SCHIP1: variants seen among roughly 807,000 people sequenced by gnomAD.
The protein encoded by SCHIP1 is schwannomin interacting protein 1, also known as schwannomin-interacting protein 1.
In SCHIP1, 8 loss-of-function variants were observed where a neutral mutation model predicts 29.7. The observed-to-expected ratio is 0.27, with a 90% CI of 0.16 to 0.49. The LOEUF (loss-of-function observed/expected upper bound fraction) is 0.49. Ranked by LOEUF, SCHIP1 falls within the 20% of genes least tolerant of loss-of-function variation. SCHIP1 has a pLI of 0.99. For synonymous variants in SCHIP1, 76 were observed against 94.9 expected, an observed-to-expected ratio of 0.80 and a Z score of 1.16; for missense variants, 193 against 294.6, an observed-to-expected ratio of 0.66 and a Z score of 2.52.
the SCHIP1 span, among the ~76,000 whole-genome samples, chr3:159,337,632 C>T: frequency 6.6e-6 from 1 of 152,144 alleles, no homozygotes; most frequent in Non-Finnish European, 1.5e-5. Flanking sequence ...AGGAATCCAG[C>T]TTACAAGGGA....
the SCHIP1 span, among the ~76,000 whole-genome samples, chr3:159,640,004 T>C: frequency 7.8e-3 from 1,191 of 152,318 alleles, 20 homozygotes; most frequent in African/African-American, 0.027. Context: ...ATGATTTGTA[T>C]CTTTTTTTCC....
At chr3:159,336,384 A>G in the SCHIP1 span, among the ~76,000 whole-genome samples, 1 of 152,136 alleles carries the variant, frequency 6.6e-6, no homozygotes, top group South Asian at 2.1e-4. Flanking sequence ...TTTTGTTGCC[A>G]TTTGTTTTGG....
the SCHIP1 span, among the ~76,000 whole-genome samples, chr3:159,358,477 C>T: frequency 6.6e-6 from 1 of 152,244 alleles, no homozygotes; most frequent in South Asian, 2.1e-4. Context: ...CATGGCCTCA[C>T]CTGTTGGGAG....
the SCHIP1 span, among the ~76,000 whole-genome samples, chr3:159,814,322 G>T: frequency 6.6e-6 from 1 of 152,182 alleles, no homozygotes; most frequent in African/African-American, 2.4e-5. Context: ...CCTCTGCCCT[G>T]TTTTACTGCC....
the SCHIP1 span, among the ~76,000 whole-genome samples, chr3:159,373,758 G>T: frequency 6.6e-6 from 1 of 151,960 alleles, no homozygotes; most frequent in African/African-American, 2.4e-5. Context: ...TCTAAGGCTG[G>T]ATAGTACATT....
the SCHIP1 span, among the ~76,000 whole-genome samples, chr3:159,773,957 C>G: frequency 1.3e-5 from 2 of 152,150 alleles, no homozygotes; most frequent in East Asian, 3.9e-4. Flanking sequence ...GATTAAGATG[C>G]CTGGCGTAGT....
the SCHIP1 span, among the ~76,000 whole-genome samples, chr3:159,408,193 G>A: frequency 1.9e-4 from 29 of 152,034 alleles, no homozygotes; most frequent in African/African-American, 7.0e-4. Flanking sequence ...AGCTACTCAG[G>A]AGGCTGAGGC....
At chr3:159,888,061 C>G in intron 4 of SCHIP1, 156 bp downstream of exon 5, 1 of 1,086,024 alleles carries the variant, frequency 9.2e-7, no homozygotes, top group South Asian at 1.7e-5. Flanking sequence ...GTTTCTTTTT[C>G]CTTCCTACTG....
the SCHIP1 span, among the ~76,000 whole-genome samples, chr3:159,460,578 G>A: frequency 6.6e-6 from 1 of 152,264 alleles, no homozygotes; most frequent in East Asian, 1.9e-4. Flanking sequence ...TATCTGGTAA[G>A]GTAATCAACA....
the SCHIP1 span, among the ~76,000 whole-genome samples, chr3:159,621,672 G>GTT: frequency 5.5e-4 from 81 of 147,230 alleles, no homozygotes; most frequent in African/African-American, 1.8e-3. Flanking sequence ...TTTGTTCTTT[G>GTT]TTTTTTTTTT....
the SCHIP1 span, among the ~76,000 whole-genome samples, chr3:159,325,072 A>G: frequency 2.0e-5 from 3 of 152,156 alleles, no homozygotes; most frequent in East Asian, 5.8e-4. Flanking sequence ...TGAGTTTGGT[A>G]ACTTCTTTAT....
At chr3:159,615,470 G>A in the SCHIP1 span, among the ~76,000 whole-genome samples, 4 of 152,330 alleles carry the variant, frequency 2.6e-5, no homozygotes, top group East Asian at 3.9e-4. Context: ...GACGTTGAGC[G>A]TATACTAAGT....
chr3:159,390,196 G>C, the SCHIP1 span, among the ~76,000 whole-genome samples: 1 of 152,052 alleles, frequency 6.6e-6, no homozygotes, highest in Non-Finnish European at 1.5e-5. Flanking sequence ...TTGCATGAGA[G>C]TCAGGATAGG....
At chr3:159,352,703 A>C in the SCHIP1 span, among the ~76,000 whole-genome samples, 6 of 152,022 alleles carry the variant, frequency 3.9e-5, no homozygotes, top group Admixed American at 1.3e-4. Flanking sequence ...TCTCCCTCCC[A>C]AAAACCTGGA....
the SCHIP1 span, among the ~76,000 whole-genome samples, chr3:159,608,279 C>T: frequency 6.6e-6 from 1 of 152,110 alleles, no homozygotes; most frequent in African/African-American, 2.4e-5. Flanking sequence ...ATGCTATCTC[C>T]AATACTGATA....
At chr3:159,610,367 T>C in the SCHIP1 span, among the ~76,000 whole-genome samples, 1 of 152,212 alleles carries the variant, frequency 6.6e-6, no homozygotes, top group South Asian at 2.1e-4. Context: ...CTTATTCATT[T>C]TCCAGGCATG....
At chr3:159,490,784 A>G in the SCHIP1 span, among the ~76,000 whole-genome samples, 4 of 152,350 alleles carry the variant, frequency 2.6e-5, no homozygotes, top group Admixed American at 2.6e-4. Flanking sequence ...GAGAGGAATT[A>G]ATCTTTAGAT....
At chr3:159,469,899 G>C in the SCHIP1 span, among the ~76,000 whole-genome samples, 1 of 151,998 alleles carries the variant, frequency 6.6e-6, no homozygotes, top group African/African-American at 2.4e-5. Context: ...ATGTTAAAAT[G>C]TTAAATACTA....
At chr3:159,810,751 T>G in the SCHIP1 span, among the ~76,000 whole-genome samples, 1 of 152,258 alleles carries the variant, frequency 6.6e-6, no homozygotes, top group South Asian at 2.1e-4. Context: ...TTAGACCTTA[T>G]GAATAATGTT....
Sources: allele counts gnomAD v4.1 joint callset (sites outside exome capture counted in the v4.1 genomes callset), GRCh38; gene constraint gnomAD v4.1.1; transcripts MANE v1.5; gene names NCBI Gene and HGNC (gene_info 2026-07-23, HGNC 2026-07-21).